DMD: variants seen among roughly 807,000 people sequenced by gnomAD.
DMD encodes dystrophin.
A neutral mutation model predicts 330.1 loss-of-function variants in DMD; 63 were observed. The observed-to-expected ratio is 0.19, with a 90% CI of 0.16 to 0.24. The LOEUF (loss-of-function observed/expected upper bound fraction) is 0.24. Ranked by LOEUF, DMD falls within the 10% of genes least tolerant of loss-of-function variation. The pLI is 1.00. For synonymous variants in DMD, 1,223 were observed against 959.8 expected (o/e 1.27, Z -5.07); for missense variants, 3,344 against 2,684.1 (o/e 1.25, Z -5.43).
chrX:31,483,389 C>G (rs2068536402), intron 57 of DMD, among the ~76,000 whole-genome samples: 1 of 111,726 alleles, frequency 9.0e-6, no homozygotes, highest in African/African-American at 3.2e-5. Flanking sequence ...AAACTTAAGG[C>G]ACTAAAAACT....
At chrX:32,492,899 A>G (rs1467647445) in intron 19 of DMD, among the ~76,000 whole-genome samples, 1 of 111,559 alleles carries the variant, frequency 9.0e-6, no homozygotes, top group East Asian at 2.8e-4. Context: ...ACTCACTGTA[A>G]GGTTCTTTCT....
intron 1 of DMD, among the ~76,000 whole-genome samples, chrX:33,226,305 T>C (rs2052288984): frequency 9.0e-6 from 1 of 111,477 alleles, no homozygotes; most frequent in Non-Finnish European, 1.9e-5. Context: ...AGGCAGAAAC[T>C]GGAAACAACC....
intron 1 of DMD, among the ~76,000 whole-genome samples, chrX:33,103,198 A>C (rs1484773504): frequency 9.0e-6 from 1 of 111,646 alleles, no homozygotes; most frequent in East Asian, 2.8e-4. Flanking sequence ...TTCCTATAAA[A>C]TCTGTACATT....
chrX:33,258,270 G>T (rs775884829), intron 1 of DMD, among the ~76,000 whole-genome samples: 1 of 110,938 alleles, frequency 9.0e-6, no homozygotes, highest in Non-Finnish European at 1.9e-5. Flanking sequence ...TAAAAGATCC[G>T]CTATATTGTT....
rs1251085789 is a variant in DMD at position 32,108,408 on chromosome X, G to A, written c.6438+108508C>T. 3.6e-5 allele frequency among the ~76,000 whole-genome samples: 4 copies of A among 112,055 alleles called. No homozygotes were observed. The East Asian group carries it at 1.1e-3, about 31-fold the overall frequency. On this transcript the variant is annotated intron_variant, in intron 44 of 78. Coordinates refer to ENST00000357033, the MANE Select transcript of DMD (RefSeq NM_004006.3). The stretch of plus-strand genomic sequence containing the variant: ...TCATCTAAATTCTCATGGATAGAAT[G>A]CAATAGATTAATTAGGAAACAGTAT...
chrX:31,901,100 C>T lies in DMD; in HGVS notation c.6913-25727G>A, dbSNP rs528165215. ...CATTTACTGGGGGAAAATAATGTAT[C>T]GGATCACTTTACTCCCTGATATGGA... On this transcript the variant is annotated intron_variant, in intron 47 of 78. Transcript: ENST00000357033. Among the ~76,000 whole-genome samples the T allele has an allele frequency of 7.5e-4, 84 of 111,416 alleles. No homozygotes were observed. The South Asian group carries it at 0.028, about 36-fold the overall frequency.
intron 52 of DMD, among the ~76,000 whole-genome samples, chrX:31,724,848 T>C: frequency 8.9e-6 from 1 of 111,991 alleles, no homozygotes; most frequent in East Asian, 2.8e-4. Context: ...AACCACAGTT[T>C]AGGAAAGAGA....
chrX:32,991,227 G>A (rs916173124), intron 2 of DMD, among the ~76,000 whole-genome samples: 6 of 97,536 alleles, frequency 6.2e-5, no homozygotes, highest in Non-Finnish European at 1.3e-4. Context: ...TAAATTCCAC[G>A]TTTTTATGTA....
chrX:33,101,001 T>C (rs954010094), intron 1 of DMD, among the ~76,000 whole-genome samples: 2 of 112,042 alleles, frequency 1.8e-5, no homozygotes, highest in African/African-American at 6.5e-5. Flanking sequence ...AGATATAGTA[T>C]ATTCTGTAGC....
At chrX:31,260,122 T>A in intron 63 of DMD, among the ~76,000 whole-genome samples, 1 of 111,517 alleles carries the variant, frequency 9.0e-6, no homozygotes, top group East Asian at 2.8e-4. Context: ...ATTCCTGTTG[T>A]CCCAGCTACT....
rs1247820417 is a variant in DMD at position 31,336,407 on chromosome X, G to A, written c.9163+12149C>T. 3.6e-5 allele frequency among the ~76,000 whole-genome samples: 4 copies of A among 112,202 alleles called. No homozygotes were observed. In the East Asian group the frequency reaches 1.1e-3, roughly 31 times the overall value. Reference sequence around the variant, plus strand: ...CCCAATAATTTTTGCCCACAGAGGTGTGATCCCACCATTTCTGTTGCGCAA... The same window carrying A: ...CCCAATAATTTTTGCCCACAGAGGTATGATCCCACCATTTCTGTTGCGCAA... On this transcript the variant is annotated intron_variant, in intron 61 of 78. Transcript: ENST00000357033.
At chrX:31,673,904 T>C (rs2081946885) in intron 53 of DMD, among the ~76,000 whole-genome samples, 1 of 111,516 alleles carries the variant, frequency 9.0e-6, no homozygotes, top group African/African-American at 3.3e-5. Context: ...ACTTTAAGAG[T>C]TTCATGCATA....
chrX:32,719,936 CT>C (rs2066103102), intron 7 of DMD, among the ~76,000 whole-genome samples: 1 of 108,818 alleles, frequency 9.2e-6, no homozygotes, highest in Non-Finnish European at 1.9e-5. Context: ...CACACACATA[CT>C]ATATGACCTG....
intron 60 of DMD, among the ~76,000 whole-genome samples, chrX:31,393,476 C>CAAA (rs371796978): frequency 1.4e-4 from 4 of 28,076 alleles, no homozygotes; most frequent in Non-Finnish European, 3.0e-4. Flanking sequence ...GACTCCATCT[C>CAAA]AAAAAAAAAA....
intron 1 of DMD, among the ~76,000 whole-genome samples, chrX:33,314,495 T>C (rs2053898294): frequency 9.3e-6 from 1 of 107,665 alleles, no homozygotes; most frequent in South Asian, 4.3e-4. Flanking sequence ...TGACCTCATG[T>C]GATCCGTCCA....
At chrX:33,133,866 G>T (rs1296477967) in intron 1 of DMD, among the ~76,000 whole-genome samples, 1 of 111,422 alleles carries the variant, frequency 9.0e-6, no homozygotes, top group Non-Finnish European at 1.9e-5. Context: ...CTTTTATTTT[G>T]ATTGCATATC....
chrX:32,753,903 A>G (rs1464818686), intron 7 of DMD, among the ~76,000 whole-genome samples: 2 of 111,378 alleles, frequency 1.8e-5, no homozygotes, highest in Non-Finnish European at 3.8e-5. Context: ...AAAGCAAGCA[A>G]GCAATTAAGA....
At chrX:33,317,987 G>T (rs1160461537) in intron 1 of DMD, among the ~76,000 whole-genome samples, 1 of 111,302 alleles carries the variant, frequency 9.0e-6, no homozygotes, top group Non-Finnish European at 1.9e-5. Flanking sequence ...TTGATAAAAT[G>T]AAATCATCAT....
intron 11 of DMD, among the ~76,000 whole-genome samples, chrX:32,643,530 T>C (rs1407339238): frequency 9.0e-6 from 1 of 111,351 alleles, no homozygotes; most frequent in African/African-American, 3.3e-5. Context: ...TCAAAACACA[T>C]ATCCAGAATG....
Sources: gnomAD v4.1 joint callset for allele counts (sites outside exome capture counted in the v4.1 genomes callset) on GRCh38, gnomAD v4.1.1 for gene constraint, MANE v1.5 for transcripts, NCBI Gene and HGNC (gene_info 2026-07-23, HGNC 2026-07-21) for gene names.